The following ATP13A4 variants were observed in gnomAD, a reference collection of about 807,000 sequenced individuals.
The protein encoded by ATP13A4 is probable cation-transporting ATPase 13A4.
A neutral mutation model predicts 142.5 loss-of-function variants in ATP13A4; 114 were observed. That is an observed-to-expected ratio of 0.80 (90% CI 0.69 to 0.93). ATP13A4 has a LOEUF of 0.93. ATP13A4 is among the 40% of genes least tolerant of loss of function. The probability of loss-of-function intolerance (pLI) is 0.00; values close to 1 mark genes in which losing one functional copy is unlikely to be tolerated. For synonymous variants in ATP13A4, 488 were observed against 514.8 expected (o/e 0.95, Z 0.70); for missense variants, 1,392 against 1,454.0 (o/e 0.96, Z 0.69).
intron 1 of ATP13A4, among the ~76,000 whole-genome samples, chr3:193,586,133 A>G (rs1452695753): frequency 6.6e-6 from 1 of 151,996 alleles, no homozygotes; most frequent in African/African-American, 2.4e-5. Context: ...ACACACACGC[A>G]TATCGTCCTT....
intron 3 of ATP13A4, among the ~76,000 whole-genome samples, chr3:193,499,159 G>C (rs1720401463): frequency 6.6e-6 from 1 of 152,144 alleles, no homozygotes; most frequent in African/African-American, 2.4e-5. Context: ...TTACAGAATG[G>C]ATTTATTTCA....
intron 23 of ATP13A4, among the ~76,000 whole-genome samples, chr3:193,437,825 A>ATTTTTTTTTTTTTTTTTTTTTTTT (rs372139378): frequency 1.9e-5 from 2 of 102,990 alleles, no homozygotes; most frequent in Admixed American, 1.1e-4. Context: ...GCCAATAAAG[A>ATTTTTTTTTTTTTTTTTTTTTTTT]TTTTTTTTTT....
chr3:193,554,830 C>G lies in ATP13A4; in HGVS notation c.-31G>C. On this transcript the variant is annotated 5_prime_UTR_variant, in exon 1 of 30. Transcript: ENST00000342695. Reference sequence around the variant, plus strand: ...AGTTATTCCACACCTCCTCCCTGACCTTGTCGTGCAGACGCTTCCAGGATG... The same window carrying G: ...AGTTATTCCACACCTCCTCCCTGACGTTGTCGTGCAGACGCTTCCAGGATG... 1 of 1,613,912 alleles carries G rather than the reference C, an allele frequency of 6.2e-7. No homozygotes were observed. The highest frequency in any genetic ancestry group is 8.5e-7 in the Non-Finnish European group (1 of 1,179,996).
chr3:193,472,839 G>T (rs1008870533), intron 8 of ATP13A4, among the ~76,000 whole-genome samples: 1 of 152,250 alleles, frequency 6.6e-6, no homozygotes, highest in South Asian at 2.1e-4. Context: ...AATCAGCCAG[G>T]TTTCTCACTG....
chr3:193,583,543 T>C (rs942217065), intron 1 of ATP13A4, among the ~76,000 whole-genome samples: 1 of 152,118 alleles, frequency 6.6e-6, no homozygotes. Flanking sequence ...TATGCAGAGA[T>C]GTAGCCTAGT....
intron 17 of ATP13A4, among the ~76,000 whole-genome samples, chr3:193,449,762 T>C (rs763749690): frequency 4.6e-5 from 7 of 152,188 alleles, no homozygotes; most frequent in Admixed American, 3.3e-4. Flanking sequence ...TGATCTGCTA[T>C]TGAAACCCTC....
At chr3:193,555,543 T>C (rs868709293), upstream of ATP13A4, among the ~76,000 whole-genome samples, 6 of 152,342 alleles carry the variant, frequency 3.9e-5, no homozygotes, top group Middle Eastern at 0.014. Context: ...ATATTGATGG[T>C]TCAACACTTA....
chr3:193,509,028 C>T (rs1721000391), intron 2 of ATP13A4, among the ~76,000 whole-genome samples: 1 of 150,316 alleles, frequency 6.7e-6, no homozygotes, highest in Non-Finnish European at 1.5e-5. Context: ...GAATAGAAAG[C>T]TTATAATTTT....
At chr3:193,477,575 C>T (rs1320689975) in intron 8 of ATP13A4, among the ~76,000 whole-genome samples, 1 of 151,958 alleles carries the variant, frequency 6.6e-6, no homozygotes, top group Non-Finnish European at 1.5e-5. Context: ...ATATATGAAA[C>T]AATGGGTTAT....
intron 2 of ATP13A4, chr3:193,579,607 A>C (rs989828181): frequency 1.3e-5 from 2 of 152,148 alleles, no homozygotes; most frequent in African/African-American, 4.8e-5. Flanking sequence ...ACTTATGGTT[A>C]AATTGGCCAT....
intron 3 of ATP13A4, among the ~76,000 whole-genome samples, chr3:193,493,995 C>T (rs1348142617): frequency 2.6e-5 from 4 of 151,968 alleles, no homozygotes; most frequent in African/African-American, 7.2e-5. Context: ...ATAGTTATAT[C>T]AGATAAGATA....
rs773989954 is a variant in ATP13A4, at chr3:193,407,384, T to C, written c.3307A>G (p.Thr1103Ala). The C allele has an allele frequency of 9.3e-6, 15 of 1,612,840 alleles. No homozygotes were observed. Among genetic ancestry groups the C allele is most frequent in the Non-Finnish European group, 1.3e-5 (15 of 1,179,084 alleles). ...ELYRRLDLLC[T>A]PVLWRASIVI... ...ATGGAGGCCCTCCACAGGACGGGAGTGCAGAGCAGCTGGCGGGAGATGATG... is the reference window on the plus strand; with the variant it reads ...ATGGAGGCCCTCCACAGGACGGGAGCGCAGAGCAGCTGGCGGGAGATGATG... Residue 1103 changes from threonine (T) to alanine (A), a missense_variant, in exon 29 of 30, where the codon ACT becomes GCT. Thr to Ala is a moderately conservative substitution (Grantham distance 58). Transcript: ENST00000342695.
upstream of ATP13A4, among the ~76,000 whole-genome samples, chr3:193,556,759 T>C (rs1051536599): frequency 2.0e-5 from 3 of 152,074 alleles, no homozygotes; most frequent in African/African-American, 4.8e-5. Flanking sequence ...TGAAGAGATA[T>C]AACAAATTTA....
At chr3:193,554,232 CTGA>C (rs1311111852) in intron 1 of ATP13A4, 3 of 175,252 alleles carry the variant, frequency 1.7e-5, no homozygotes, top group Admixed American at 1.6e-4. Context: ...TGTGTGTAGG[CTGA>C]TAATTGTTAA....
At chr3:193,516,431 C>T (rs1721418049) in intron 1 of ATP13A4, among the ~76,000 whole-genome samples, 1 of 152,212 alleles carries the variant, frequency 6.6e-6, no homozygotes. Context: ...TAGATTCTGA[C>T]ATGAATACTC....
chr3:193,533,579 AC>A (rs1407253073), intron 1 of ATP13A4, among the ~76,000 whole-genome samples: 1 of 152,140 alleles, frequency 6.6e-6, no homozygotes, highest in East Asian at 1.9e-4. Flanking sequence ...AAAAAAAGAA[AC>A]CAAACACCAC....
At chr3:193,556,507 G>A (rs907858013), upstream of ATP13A4, among the ~76,000 whole-genome samples, 25 of 148,920 alleles carry the variant, frequency 1.7e-4, 1 homozygote, top group East Asian at 1.8e-3. Context: ...GTGTGTGTGT[G>A]TGTATATATA....
chr3:193,480,823 C>A (rs1036340648), intron 8 of ATP13A4, among the ~76,000 whole-genome samples: 1 of 152,146 alleles, frequency 6.6e-6, no homozygotes, highest in Non-Finnish European at 1.5e-5. Context: ...AAGATACTTG[C>A]ATGTGCATGT....
intron 16 of ATP13A4, among the ~76,000 whole-genome samples, chr3:193,456,580 C>T (rs758342947): frequency 1.3e-5 from 2 of 152,026 alleles, no homozygotes; most frequent in African/African-American, 2.4e-5. Flanking sequence ...CTAAAATAAT[C>T]GTGAGGTAAA....
Sources: allele counts gnomAD v4.1 joint callset (sites outside exome capture counted in the v4.1 genomes callset), GRCh38; gene constraint gnomAD v4.1.1; transcripts MANE v1.5; gene names NCBI Gene and HGNC (gene_info 2026-07-23, HGNC 2026-07-21).